Variants in ANKHD1 observed in about 807,000 individuals in gnomAD.
ANKHD1 encodes the protein ankyrin repeat and KH domain-containing protein 1.
Under a neutral mutation model 230.5 loss-of-function variants are expected in ANKHD1, and 31 were observed. The ratio of observed to expected loss-of-function variants is 0.13; its 90% CI spans 0.10 to 0.18. The LOEUF is 0.18. ANKHD1 is among the 10% of genes least tolerant of loss of function. ANKHD1 has a pLI of 1.00. For synonymous variants in ANKHD1, 1,074 were observed against 1,117.6 expected, an observed-to-expected ratio of 0.96 and a Z score of 0.78; for missense variants, 2,256 against 3,071.3, an observed-to-expected ratio of 0.73 and a Z score of 6.27.
Position 140,505,103 on chromosome 5 carries a change from T to C in ANKHD1, c.3151-19T>C, listed in dbSNP as rs1224142459. 2.5e-6 allele frequency: 4 copies of C among 1,604,646 alleles called. No homozygotes were observed. In the African/African-American group the frequency reaches 5.4e-5, roughly 22 times the overall value. On this transcript the variant is annotated intron_variant, in intron 16 of 33. Transcript: ENST00000360839. ...ACTTCTGTTAAAAAAAATTTTAACT[T>C]ATTTTTTTCTTCTCCTAGACTGAGA...
intron 14 of ANKHD1, 59 bp from the exon 15 acceptor site, chr5:140,496,461 C>CTTTTTTTTTTTTTTTTTTTTTTT (rs770445733): frequency 4.1e-6 from 2 of 484,880 alleles, no homozygotes; most frequent in South Asian, 7.0e-5. Context: ...TTTTTCTTTT[C>CTTTTTTTTTTTTTTTTTTTTTTT]TTTTTTTTTT....
intron 26 of ANKHD1, 77 bp downstream of exon 26, chr5:140,526,520 A>G (rs1753612179): frequency 2.0e-6 from 3 of 1,494,972 alleles, no homozygotes; most frequent in Non-Finnish European, 2.7e-6. Flanking sequence ...AAGTATATTA[A>G]TCCAAGTACA....
chr5:140,444,668 C>T (rs1774138215), intron 5 of ANKHD1, among the ~76,000 whole-genome samples: 1 of 152,108 alleles, frequency 6.6e-6, no homozygotes, highest in South Asian at 2.1e-4. Context: ...CAAAAAATCC[C>T]AGTTTTATTG....
At chr5:140,407,560 C>T (rs1770569658) in intron 1 of ANKHD1, among the ~76,000 whole-genome samples, 1 of 151,354 alleles carries the variant, frequency 6.6e-6, no homozygotes, top group African/African-American at 2.4e-5. Context: ...AGGTGTACTC[C>T]ACCACTCCAC....
At chr5:140,419,072 C>T (rs1472402701) in intron 1 of ANKHD1, among the ~76,000 whole-genome samples, 1 of 152,142 alleles carries the variant, frequency 6.6e-6, no homozygotes, top group Admixed American at 6.5e-5. Flanking sequence ...ACATTCCTAC[C>T]AGCAATGTAC....
chr5:140,451,480 G>T (rs534459827), intron 7 of ANKHD1, among the ~76,000 whole-genome samples: 3 of 152,140 alleles, frequency 2.0e-5, no homozygotes, highest in Admixed American at 6.6e-5. Context: ...GTCTTGATGG[G>T]TATTGAAATT....
Position 140,441,147 on chromosome 5 carries a change from G to C in ANKHD1, c.913+5G>C, listed in dbSNP as rs768885772. On this transcript the variant is annotated splice_donor_5th_base_variant and intron_variant, in intron 5 of 33. Coordinates refer to ENST00000360839, the MANE Select transcript of ANKHD1 (RefSeq NM_017747.3). Reference sequence around the variant, plus strand: ...TCAACTCCCAGTCTGCAACAGGTATGTAGAAAATGATGTATTAATTGGGAG... The same window carrying C: ...TCAACTCCCAGTCTGCAACAGGTATCTAGAAAATGATGTATTAATTGGGAG... 6.4e-7 allele frequency: 1 copy of C among 1,564,942 alleles called. No homozygotes were observed. Among genetic ancestry groups the C allele is most frequent in the African/African-American group, 1.4e-5 (1 of 72,108 alleles).
At chr5:140,475,623 G>T (rs1750922669) in intron 10 of ANKHD1, among the ~76,000 whole-genome samples, 1 of 152,154 alleles carries the variant, frequency 6.6e-6, no homozygotes, top group Admixed American at 6.5e-5. Context: ...AAGAAACAGA[G>T]ACAACTGTGT....
At position 140,497,273 on chromosome 5, in the gene ANKHD1, T is replaced by G. The variant is rs1561800307; in HGVS notation, c.2999T>G (p.Ile1000Arg). Residue 1000 changes from isoleucine to arginine, a missense_variant, in exon 15 of 34, where the codon ATA (isoleucine) becomes AGA (arginine). Around this residue, in one of 13 missense-constraint regions of ANKHD1, gnomAD observed 358 missense variants for 397.7 expected, o/e 0.90. Transcript: ENST00000360839. ...CTTACCGACACTCTTGATGACCTGA[T>G]AGCAGGTGGGTTAAGAAATATATCT... ...QTLTDTLDDL[I>R]AAVSTRVPTG... 1.9e-6 allele frequency: 3 copies of G among 1,599,588 alleles called. No individual in the cohort carries two copies. In the African/African-American group the frequency reaches 4.0e-5, roughly 21 times the overall value.
At chr5:140,533,459 C>CGTGGTCGCAGGCACCT (rs1366181473) in intron 29 of ANKHD1, among the ~76,000 whole-genome samples, 4 of 152,008 alleles carry the variant, frequency 2.6e-5, no homozygotes, top group Non-Finnish European at 5.9e-5. Flanking sequence ...ATTAGCCAGG[C>CGTGGTCGCAGGCACCT]GTGGTCGCAG....
Position 140,505,814 on chromosome 5 carries a change from C to T in ANKHD1, c.3353C>T (p.Ser1118Phe), listed in dbSNP as rs1438100478. Residue 1118 changes from serine to phenylalanine, a missense_variant, in exon 18 of 34, where the codon TCT becomes TTT. By Grantham distance (155) the Ser-to-Phe change is radical (BLOSUM62 -2). Coordinates refer to ENST00000360839, the MANE Select transcript of ANKHD1 (RefSeq NM_017747.3). Reference protein sequence around the residue: ...LDKGGDIEAQSERTKDTPLSL... With the variant: ...LDKGGDIEAQFERTKDTPLSL... ...AAAGGTGGAGATATAGAAGCACAGT[C>T]TGAACGAACTAAGGATACTCCGCTT... 3.7e-6 allele frequency: 6 copies of T among 1,612,036 alleles called. No individual in the cohort carries two copies. The highest frequency in any genetic ancestry group is 5.1e-6 in the Non-Finnish European group (6 of 1,179,252).
At chr5:140,532,945 G>A (rs758390059) in intron 29 of ANKHD1, 20 of 267,156 alleles carry the variant, frequency 7.5e-5, no homozygotes, top group Non-Finnish European at 1.5e-4. Context: ...CAAACATACC[G>A]AATTTAGCCA....
chr5:140,414,731 G>A (rs1364310168), intron 1 of ANKHD1, among the ~76,000 whole-genome samples: 6 of 151,876 alleles, frequency 4.0e-5, no homozygotes, highest in African/African-American at 1.5e-4. Context: ...TACTCAAGAG[G>A]CTGAGGTGGG....
At chr5:140,539,225 A>C in intron 33 of ANKHD1, 134 bp from the exon 34 acceptor site, 1 of 1,535,622 alleles carries the variant, frequency 6.5e-7, no homozygotes. Context: ...AGATGATGCT[A>C]CTGAACACTT....
At chr5:140,486,734 T>G in intron 13 of ANKHD1, 1 of 339,408 alleles carries the variant, frequency 2.9e-6, no homozygotes, top group South Asian at 5.1e-5. Context: ...TAATGTTATT[T>G]CCATTTAGCT....
chr5:140,402,403 G>T, intron 1 of ANKHD1, 130 bp downstream of exon 1: 1 of 1,260,466 alleles, frequency 7.9e-7, no homozygotes, highest in Non-Finnish European at 1.0e-6. Context: ...CTCCATGGCG[G>T]CGGTGGCCGC....
chr5:140,441,172 GA>G, intron 5 of ANKHD1, 30 bp downstream of exon 5: 1 of 1,486,446 alleles, frequency 6.7e-7, no homozygotes, highest in Non-Finnish European at 8.9e-7. Flanking sequence ...TTAATTGGGA[GA>G]AAAAATTGAC....
chr5:140,411,536 T>A (rs533590539), intron 1 of ANKHD1, among the ~76,000 whole-genome samples: 8 of 151,630 alleles, frequency 5.3e-5, no homozygotes, highest in Non-Finnish European at 8.8e-5. Flanking sequence ...TTGGTTTGTT[T>A]GAGAACGGAG....
intron 1 of ANKHD1, among the ~76,000 whole-genome samples, chr5:140,434,477 T>C (rs1204873712): frequency 6.7e-6 from 1 of 150,094 alleles, no homozygotes; most frequent in African/African-American, 2.4e-5. Context: ...TATATGTATA[T>C]ACGTATATAT....
Sources: gnomAD v4.1 joint callset for allele counts (sites outside exome capture counted in the v4.1 genomes callset) on GRCh38, gnomAD v4.1.1 for gene constraint, gnomAD v4.1.1 regional missense constraint, MANE v1.5 for transcripts, NCBI Gene and HGNC (gene_info 2026-07-23, HGNC 2026-07-21) for gene names.